NPR3: variants seen among roughly 807,000 people sequenced by gnomAD.
NPR3 encodes the protein natriuretic peptide receptor 3.
A neutral mutation model predicts 54.5 loss-of-function variants in NPR3; 34 were observed. That is an observed-to-expected ratio of 0.62 (90% CI 0.47 to 0.83). NPR3 has a LOEUF of 0.83. Ranked by LOEUF, NPR3 falls within the 40% of genes least tolerant of loss-of-function variation. The pLI is 0.00. For missense variants in NPR3, 674 were observed against 720.8 expected, an observed-to-expected ratio of 0.94 and a Z score of 0.74; for synonymous variants, 289 against 297.1, an observed-to-expected ratio of 0.97 and a Z score of 0.28.
intron 1 of NPR3, among the ~76,000 whole-genome samples, chr5:32,696,139 G>C (rs775716657): frequency 5.9e-5 from 9 of 152,088 alleles, no homozygotes; most frequent in Non-Finnish European, 1.0e-4. Flanking sequence ...TCTTGTAGCA[G>C]TTTCATAGTT....
At chr5:32,738,063 A>G (rs1739841092) in intron 2 of NPR3, among the ~76,000 whole-genome samples, 1 of 152,168 alleles carries the variant, frequency 6.6e-6, no homozygotes, top group Admixed American at 6.5e-5. Flanking sequence ...CTTTGAGTTC[A>G]CCTAAGCTAC....
At position 32,712,115 on chromosome 5, in the gene NPR3, C is replaced by T. The variant is rs1255178668; in HGVS notation, c.339C>T (p.Leu113=). ...YEDSDCGNRA[L]FSLVDRVAAA... is the part of the protein sequence containing the mutation. ...ATTCAGACTGTGGGAACCGTGCGCT[C>T]TTCAGCTTGGTGGACCGCGTGGCGG... is the stretch of plus-strand genomic sequence containing the variant. Residue 113 remains leucine (L), a synonymous_variant, in exon 1 of 8, where the codon CTC becomes CTT. Transcript: ENST00000265074. The T allele has an allele frequency of 1.1e-5, 17 of 1,613,718 alleles. No individual in the cohort carries two copies. Among genetic ancestry groups the T allele is most frequent in the Non-Finnish European group, 1.3e-5 (15 of 1,179,806 alleles).
intron 6 of NPR3, 74 bp downstream of exon 6, chr5:32,783,102 G>A: frequency 7.2e-7 from 1 of 1,395,880 alleles, no homozygotes; most frequent in Non-Finnish European, 9.8e-7. Flanking sequence ...TAAAACCCAA[G>A]TGTTTCTAGG....
At chr5:32,707,984 T>C (rs567634773), upstream of NPR3, among the ~76,000 whole-genome samples, 162 of 141,038 alleles carry the variant, frequency 1.1e-3, 2 homozygotes, top group African/African-American at 4.1e-3. Context: ...TGCCACCTTA[T>C]TGTAGTAGCT....
intron 6 of NPR3, 59 bp from the exon 7 acceptor site, chr5:32,784,737 C>T (rs1053213771): frequency 8.3e-6 from 11 of 1,331,994 alleles, no homozygotes; most frequent in East Asian, 6.9e-5. Context: ...GAATGAAACT[C>T]GAGGCATTTC....
At chr5:32,758,223 A>G (rs982124704) in intron 3 of NPR3, among the ~76,000 whole-genome samples, 2 of 152,120 alleles carry the variant, frequency 1.3e-5, no homozygotes, top group African/African-American at 4.8e-5. Flanking sequence ...CTGTGAATCC[A>G]TCTGGTCCTG....
At chr5:32,785,122 T>C (rs1371062805) in intron 7 of NPR3, among the ~76,000 whole-genome samples, 7 of 149,268 alleles carry the variant, frequency 4.7e-5, no homozygotes, top group Non-Finnish European at 3.0e-5. Flanking sequence ...GAGCTGCTGC[T>C]GCCCTTTGAT....
At chr5:32,779,910 T>C (rs1742249952) in intron 4 of NPR3, among the ~76,000 whole-genome samples, 1 of 152,222 alleles carries the variant, frequency 6.6e-6, no homozygotes, top group Non-Finnish European at 1.5e-5. Flanking sequence ...AGCCTCTTGG[T>C]AGGGAGGTAC....
chr5:32,763,150 G>A (rs1045437835), intron 3 of NPR3, among the ~76,000 whole-genome samples: 1 of 152,030 alleles, frequency 6.6e-6, no homozygotes, highest in Non-Finnish European at 1.5e-5. Context: ...GTAGATGTGT[G>A]GTGTTATTTC....
chr5:32,712,382 G>A lies in NPR3; in HGVS notation c.606G>A (p.Leu202=). The A allele has an allele frequency of 6.2e-7, 1 of 1,613,360 alleles. No homozygotes were observed. The highest frequency in any genetic ancestry group is 1.1e-5 in the South Asian group (1 of 90,944). Residue 202 remains leucine (L), a synonymous_variant, in exon 1 of 8, where the codon CTG becomes CTA. Transcript: ENST00000265074. Reference sequence around the variant, plus strand: ...ACCACCACTGGAGCCGCGCTGCACTGGTCTACAGCGACGACAAGCTGGAGC... The same window carrying A: ...ACCACCACTGGAGCCGCGCTGCACTAGTCTACAGCGACGACAAGCTGGAGC... ...FRHHHWSRAA[L]VYSDDKLERN...
chr5:32,751,320 C>T (rs142708299), intron 3 of NPR3, among the ~76,000 whole-genome samples: 39 of 152,126 alleles, frequency 2.6e-4, no homozygotes, highest in South Asian at 1.9e-3. Context: ...TTGAAAGGGC[C>T]GCAGTTACCT....
chr5:32,762,759 A>T (rs1055526360), intron 3 of NPR3, among the ~76,000 whole-genome samples: 2 of 151,778 alleles, frequency 1.3e-5, no homozygotes, highest in Non-Finnish European at 2.9e-5. Context: ...AGATTGCAAA[A>T]TTTTTCTCCC....
intron 3 of NPR3, 98 bp from the exon 4 acceptor site, chr5:32,774,610 A>G: frequency 4.6e-6 from 4 of 876,376 alleles, no homozygotes; most frequent in Non-Finnish European, 5.8e-6. Context: ...TGGCTAACAG[A>G]CCTGAAGTCT....
chr5:32,717,490 A>G (rs943078708), intron 1 of NPR3, among the ~76,000 whole-genome samples: 2 of 152,126 alleles, frequency 1.3e-5, no homozygotes, highest in African/African-American at 4.8e-5. Flanking sequence ...AAGTGTTCCT[A>G]TTTCTCCACA....
chr5:32,736,087 C>T (rs1022601854), intron 2 of NPR3, among the ~76,000 whole-genome samples: 6 of 151,564 alleles, frequency 4.0e-5, no homozygotes, highest in African/African-American at 1.2e-4. Flanking sequence ...AAAAATTAGC[C>T]GGGTGTGGTG....
chr5:32,756,938 G>C lies in NPR3; in HGVS notation c.1060-17770G>C, dbSNP rs138402499. 8.4e-3 allele frequency among the ~76,000 whole-genome samples: 1,273 copies of C among 152,160 alleles called. 18 individuals carry two copies. The highest frequency in any genetic ancestry group is 0.029 in the African/African-American group (1,193 of 41,494). On this transcript the variant is annotated intron_variant, in intron 3 of 7. Transcript: ENST00000265074. ...TAGATATGTGGTATTATTTCTGAGG[G>C]CTCTGTTCTGTTCCATTGGTCTATA...
At chr5:32,728,829 G>GTATATATA (rs1456034881) in intron 2 of NPR3, among the ~76,000 whole-genome samples, 11 of 76,182 alleles carry the variant, frequency 1.4e-4, no homozygotes, top group South Asian at 1.4e-3. Flanking sequence ...GTGTGTGTGT[G>GTATATATA]TGTGTGTGTA....
rs893329802 is a variant in NPR3 at position 32,791,476 on chromosome 5, G to T, written c.*5131G>T. On this transcript the variant is annotated 3_prime_UTR_variant, in exon 8 of 8. Coordinates refer to ENST00000265074, the MANE Select transcript of NPR3 (RefSeq NM_001204375.2). The stretch of plus-strand genomic sequence containing the variant: ...TGTTCTAATGTACAACTAACTATTT[G>T]CATATAATGTGATTTAATTTATTGC... 2 of 167,072 alleles carry T rather than the reference G, an allele frequency of 1.2e-5. No homozygotes were observed. Among genetic ancestry groups the T allele is most frequent in the African/African-American group, 4.8e-5 (2 of 41,448 alleles). 10.3% of individuals were successfully genotyped at this position (167,072 alleles called of 1,614,324 possible). A position where few individuals can be genotyped will look rare whatever the true frequency, so the allele number is the denominator to read the frequency against.
chr5:32,698,057 G>C (rs554733564), intron 1 of NPR3, among the ~76,000 whole-genome samples: 1 of 151,278 alleles, frequency 6.6e-6, no homozygotes, highest in Admixed American at 6.6e-5. Context: ...TCCTTTTCTA[G>C]TTCTTTAAGA....
Sources: allele counts gnomAD v4.1 joint callset (sites outside exome capture counted in the v4.1 genomes callset), GRCh38; gene constraint gnomAD v4.1.1; transcripts MANE v1.5; gene names NCBI Gene and HGNC (gene_info 2026-07-23, HGNC 2026-07-21).